Variants in JCAD observed in about 807,000 individuals in gnomAD.
JCAD encodes junctional cadherin 5 associated.
Under a neutral mutation model 98.0 loss-of-function variants are expected in JCAD, and 40 were observed. The ratio of observed to expected loss-of-function variants is 0.41; its 90% confidence interval spans 0.32 to 0.53. JCAD has a LOEUF of 0.53. Among genes scored for constraint, JCAD ranks in the 20% least tolerant of loss-of-function variants. The pLI, the probability that JCAD is intolerant of heterozygous loss-of-function variation, is 0.31. For missense variants in JCAD, 1,705 were observed against 1,738.1 expected (o/e 0.98, Z 0.34); for synonymous variants, 691 against 682.3 (o/e 1.01, Z -0.20).
At chr10:30,075,268 A>G (rs1837963174) in intron 1 of JCAD, among the ~76,000 whole-genome samples, 2 of 152,226 alleles carry the variant, frequency 1.3e-5, no homozygotes, top group Non-Finnish European at 2.9e-5. Flanking sequence ...TTAGGAATGG[A>G]GGATCCAATA....
At chr10:30,052,531 A>G (rs903717176) in intron 1 of JCAD, among the ~76,000 whole-genome samples, 51 of 152,202 alleles carry the variant, frequency 3.4e-4, no homozygotes, top group Admixed American at 1.5e-3. Flanking sequence ...ATTAGCACCC[A>G]TGCAGAGGCC....
chr10:30,030,948 G>A (rs545714647), intron 2 of JCAD, among the ~76,000 whole-genome samples: 20 of 150,250 alleles, frequency 1.3e-4, no homozygotes, highest in East Asian at 3.9e-4. Context: ...AAGTGTCCCC[G>A]GAGATTCCCA....
intron 1 of JCAD, among the ~76,000 whole-genome samples, chr10:30,114,544 C>G (rs1838758624): frequency 7.5e-6 from 1 of 133,690 alleles, no homozygotes; most frequent in Non-Finnish European, 1.5e-5. Context: ...TTCATAGGCA[C>G]AGATGTTTGC....
At chr10:30,030,198 C>A (rs1589683469) in intron 2 of JCAD, among the ~76,000 whole-genome samples, 1 of 152,162 alleles carries the variant, frequency 6.6e-6, no homozygotes, top group Non-Finnish European at 1.5e-5. Flanking sequence ...AATCCCAACA[C>A]GTTGGGAGGC....
chr10:30,084,691 C>T, intron 1 of JCAD, among the ~76,000 whole-genome samples: 1 of 152,166 alleles, frequency 6.6e-6, no homozygotes, highest in East Asian at 1.9e-4. Context: ...CATCAGCTCT[C>T]CTGGGTCTTA....
At chr10:30,094,908 C>A (rs1294595107) in intron 1 of JCAD, among the ~76,000 whole-genome samples, 2 of 152,184 alleles carry the variant, frequency 1.3e-5, no homozygotes, top group Non-Finnish European at 2.9e-5. Flanking sequence ...ACAAGCACAC[C>A]AAGTCCCCCA....
At chr10:30,042,771 C>T (rs966302055) in intron 2 of JCAD, among the ~76,000 whole-genome samples, 8 of 152,190 alleles carry the variant, frequency 5.3e-5, no homozygotes, top group Non-Finnish European at 7.3e-5. Context: ...TCCATGAATC[C>T]TTACAACGAC....
chr10:30,057,050 TGCAGTAATGGGTTCA>T (rs1310149383), intron 1 of JCAD, among the ~76,000 whole-genome samples: 2 of 152,202 alleles, frequency 1.3e-5, no homozygotes, highest in African/African-American at 4.8e-5. Flanking sequence ...CCAAGTAAAC[TGCAGTAATGGGTTCA>T]GCAATAGGCC....
rs114888262 is a variant in JCAD at position 30,029,724 on chromosome 10, C to T, written c.424G>A (p.Ala142Thr). The T allele has an allele frequency of 6.1e-4, 987 of 1,614,252 alleles. 6 individuals are homozygous for T. The African/African-American group carries it at 0.012, about 20-fold the overall frequency. ...CTCACGTGGACAGGCAGGCTGTGGG[C>T]TTGGGCCATTCCTCTGGCCTCCAGG... ...ENLEARGMAQ[A>T]HSLPVHVREG... is the part of the protein sequence containing the mutation. The change falls in exon 3 of 4, where the codon GCC (alanine) becomes ACC (threonine). Residue 142 changes from alanine (A) to threonine (T), a missense_variant. Physicochemically the swap from Ala to Thr is moderately conservative, Grantham distance 58. Transcript: ENST00000375377.
chr10:30,042,376 C>T (rs7077763), intron 2 of JCAD, among the ~76,000 whole-genome samples: 7,789 of 149,292 alleles, frequency 0.052, 230 homozygotes, highest in Non-Finnish European at 0.069. Context: ...CTGATCGGAG[C>T]GGGGAGACAC....
At chr10:30,020,201 C>G in intron 3 of JCAD, among the ~76,000 whole-genome samples, 1 of 151,620 alleles carries the variant, frequency 6.6e-6, no homozygotes, top group Non-Finnish European at 1.5e-5. Context: ...GTGGTACATG[C>G]CTGTAGTTCT....
intron 1 of JCAD, among the ~76,000 whole-genome samples, chr10:30,077,888 T>G (rs1393642927): frequency 6.6e-6 from 1 of 152,248 alleles, no homozygotes; most frequent in Non-Finnish European, 1.5e-5. Flanking sequence ...CATAAGTATC[T>G]GTTTGAGTCA....
intron 1 of JCAD, among the ~76,000 whole-genome samples, chr10:30,075,074 G>A (rs1392147720): frequency 2.0e-5 from 3 of 152,214 alleles, no homozygotes; most frequent in African/African-American, 7.2e-5. Flanking sequence ...ACAGGCATGA[G>A]CCACCATACC....
intron 1 of JCAD, among the ~76,000 whole-genome samples, chr10:30,101,115 A>G (rs1838464599): frequency 6.6e-6 from 1 of 152,240 alleles, no homozygotes; most frequent in Admixed American, 6.5e-5. Context: ...ATCAGATTTA[A>G]AGAGTCTGTT....
chr10:30,103,274 A>C (rs1838501276), intron 1 of JCAD, among the ~76,000 whole-genome samples: 1 of 152,156 alleles, frequency 6.6e-6, no homozygotes, highest in Non-Finnish European at 1.5e-5. Context: ...ATGGGAGTAA[A>C]GCTATCACTT....
At chr10:30,052,399 C>T (rs11007874) in intron 1 of JCAD, among the ~76,000 whole-genome samples, 8,712 of 152,232 alleles carry the variant, frequency 0.057, 349 homozygotes, top group East Asian at 0.22. Flanking sequence ...AGCCTATTCT[C>T]GCCTGTGATG....
At chr10:30,101,783 T>C (rs1838474634) in intron 1 of JCAD, among the ~76,000 whole-genome samples, 1 of 152,186 alleles carries the variant, frequency 6.6e-6, no homozygotes, top group African/African-American at 2.4e-5. Context: ...GTCATAAACA[T>C]CTTAAGAAAT....
intron 2 of JCAD, among the ~76,000 whole-genome samples, chr10:30,043,973 T>C (rs1331660827): frequency 6.6e-6 from 1 of 152,224 alleles, no homozygotes. Flanking sequence ...TGTAACAGTA[T>C]TAAGAGGTGG....
At chr10:30,054,119 TTA>T (rs1479860133) in intron 1 of JCAD, among the ~76,000 whole-genome samples, 1 of 152,220 alleles carries the variant, frequency 6.6e-6, no homozygotes, top group African/African-American at 2.4e-5. Context: ...ATACATAAAA[TTA>T]TGTTTTCAGG....
Sources: allele counts gnomAD v4.1 joint callset (sites outside exome capture counted in the v4.1 genomes callset), GRCh38; gene constraint gnomAD v4.1.1; transcripts MANE v1.5; gene names NCBI Gene and HGNC (gene_info 2026-07-23, HGNC 2026-07-21).